The following POLD3 variants were observed in gnomAD, a reference collection of about 807,000 sequenced individuals.
The protein encoded by POLD3 is DNA polymerase delta subunit 3.
In POLD3, 19 loss-of-function variants were observed where a neutral mutation model predicts 58.2. The ratio of observed to expected loss-of-function variants is 0.33; its 90% CI spans 0.23 to 0.48. The LOEUF is 0.48. POLD3 is among the 20% of genes least tolerant of loss of function. The pLI, the probability that POLD3 is intolerant of heterozygous loss-of-function variation, is 0.99. For missense variants in POLD3, 504 were observed against 545.5 expected (o/e 0.92, Z 0.76); for synonymous variants, 172 against 193.5 (o/e 0.89, Z 0.92).
chr11:74,622,310 G>A (rs551583275), intron 7 of POLD3, among the ~76,000 whole-genome samples: 5 of 151,948 alleles, frequency 3.3e-5, no homozygotes, highest in African/African-American at 9.7e-5. Flanking sequence ...TTGCTATTGT[G>A]AATAGTGCCA....
In POLD3 at chr11:74,640,585, G is replaced by C. The variant is rs371405485; in HGVS notation, c.1220G>C (p.Ser407Thr). The C allele has an allele frequency of 6.4e-7, 1 of 1,564,938 alleles. No homozygotes were observed. ...CCAGTGACTGAAAAAGTCTACGAGA[G>C]TGAATCCTGCACAGATAGTGAAGAG... ...GCIVTEKVYESESCTDSEEEL... is the reference protein window; with the variant it reads ...GCIVTEKVYETESCTDSEEEL... Residue 407 changes from serine (S) to threonine (T), a missense_variant, in exon 12 of 12, where the codon AGT (serine) becomes ACT (threonine). Transcript: ENST00000263681.
intron 2 of POLD3, among the ~76,000 whole-genome samples, chr11:74,597,773 C>T (rs1167001050): frequency 6.6e-6 from 1 of 152,168 alleles, no homozygotes; most frequent in Admixed American, 6.5e-5. Flanking sequence ...TACTTGTTAA[C>T]ATTAGAAATG....
chr11:74,609,361 TATATATATATA>T (rs1169192228), intron 3 of POLD3, among the ~76,000 whole-genome samples: 1 of 26,624 alleles, frequency 3.8e-5, no homozygotes, highest in East Asian at 6.3e-4. Context: ...TATATATATA[TATATATATATA>T]TTTTTTTTTT....
chr11:74,604,294 G>T (rs1474996949), intron 2 of POLD3, among the ~76,000 whole-genome samples: 1 of 152,162 alleles, frequency 6.6e-6, no homozygotes, highest in Non-Finnish European at 1.5e-5. Flanking sequence ...TAACCCTCCT[G>T]TTTACGCCTT....
At chr11:74,634,479 T>G in intron 9 of POLD3, 104 bp from the exon 10 acceptor site, 2 of 676,388 alleles carry the variant, frequency 3.0e-6, no homozygotes. Context: ...TACTGCTTGC[T>G]AAATCCCCTT....
exon 5 of POLD3, chr11:74,668,883 G>A (rs1479612164): frequency 1.4e-5 from 13 of 913,200 alleles, no homozygotes; most frequent in African/African-American, 3.5e-5. Flanking sequence ...CTCAAGCCTC[G>A]GAAGCACAGA....
At chr11:74,603,857 A>G (rs1393281829) in intron 2 of POLD3, among the ~76,000 whole-genome samples, 1 of 152,136 alleles carries the variant, frequency 6.6e-6, no homozygotes, top group East Asian at 1.9e-4. Context: ...TCAAAATAAA[A>G]GACATGTCTC....
intron 2 of POLD3, among the ~76,000 whole-genome samples, chr11:74,596,001 T>A (rs1369193318): frequency 6.7e-6 from 1 of 148,402 alleles, no homozygotes; most frequent in East Asian, 2.0e-4. Flanking sequence ...AAGTTTAAAT[T>A]TTAAAATGAT....
At chr11:74,634,765 T>TA (rs2032699815) in intron 10 of POLD3, 70 bp downstream of exon 10, 1 of 870,282 alleles carries the variant, frequency 1.1e-6, no homozygotes, top group African/African-American at 1.6e-5. Flanking sequence ...ACCACTATGC[T>TA]AAATTAGTTC....
At chr11:74,643,963 C>T (rs11822231), downstream of POLD3, among the ~76,000 whole-genome samples, 443 of 152,248 alleles carry the variant, frequency 2.9e-3, 1 homozygote, top group Middle Eastern at 0.01. Flanking sequence ...TGTCTTCCCC[C>T]GTCAACATAG....
chr11:74,594,689 A>G (rs991020996), intron 2 of POLD3, among the ~76,000 whole-genome samples: 1 of 152,218 alleles, frequency 6.6e-6, no homozygotes, highest in Non-Finnish European at 1.5e-5. Flanking sequence ...CTATGAAGAC[A>G]CACCTGAGAT....
intron 8 of POLD3, among the ~76,000 whole-genome samples, chr11:74,626,293 C>T (rs57668214): frequency 2.0e-4 from 30 of 152,326 alleles, no homozygotes; most frequent in African/African-American, 7.0e-4. Context: ...TGTCCACAAC[C>T]ATGGGTACGT....
intron 9 of POLD3, among the ~76,000 whole-genome samples, chr11:74,634,027 G>T (rs1356925556): frequency 3.9e-5 from 6 of 152,204 alleles, no homozygotes; most frequent in Non-Finnish European, 8.8e-5. Flanking sequence ...TGGAACATTT[G>T]TTATAACCTG....
In POLD3 at chr11:74,641,156, C is replaced by T; in HGVS notation, c.*390C>T. 1 of 989,118 alleles carries T rather than the reference C, an allele frequency of 1.0e-6. No individual in the cohort carries two copies. The highest frequency in any genetic ancestry group is 1.2e-6 in the Non-Finnish European group (1 of 832,656). The allele number at this position is 989,118 out of a possible 1,614,324, so 61.3% of individuals were successfully genotyped here. A position where few individuals can be genotyped will look rare whatever the true frequency, so the allele number is the denominator to read the frequency against. Reference sequence around the variant, plus strand: ...TTATTCCTTCTTGTTCCTCTGTATTCTAAGAATTCATGTGGGTGTTTCTTA... The same window carrying T: ...TTATTCCTTCTTGTTCCTCTGTATTTTAAGAATTCATGTGGGTGTTTCTTA... On this transcript the variant is annotated 3_prime_UTR_variant, in exon 12 of 12. Transcript: ENST00000263681.
intron 11 of POLD3, among the ~76,000 whole-genome samples, chr11:74,639,519 G>T (rs2032850154): frequency 6.6e-6 from 1 of 152,130 alleles, no homozygotes; most frequent in South Asian, 2.1e-4. Context: ...TTTCTCTATC[G>T]CTTGCTGCAA....
intron 7 of POLD3, among the ~76,000 whole-genome samples, chr11:74,621,597 G>A (rs549201176): frequency 2.0e-4 from 30 of 152,168 alleles, no homozygotes; most frequent in African/African-American, 7.0e-4. Context: ...TGTTTAGTTA[G>A]CAAATAGATT....
At chr11:74,595,137 T>C (rs976159296) in intron 2 of POLD3, 4 of 152,122 alleles carry the variant, frequency 2.6e-5, no homozygotes, top group African/African-American at 9.7e-5. Flanking sequence ...AACACTGTTT[T>C]TTCCCTCAGA....
chr11:74,640,243 A>G (rs774553207), intron 11 of POLD3, among the ~76,000 whole-genome samples: 3 of 152,264 alleles, frequency 2.0e-5, no homozygotes, highest in Non-Finnish European at 2.9e-5. Flanking sequence ...TCAGGAAGTT[A>G]GCCAGCATAG....
In POLD3 at chr11:74,607,240, T is replaced by TA. The variant is rs761011170; in HGVS notation, c.219+2446_219+2447insA. 7.7e-3 allele frequency among the ~76,000 whole-genome samples: 474 copies of TA among 61,910 alleles called. 4 individuals are homozygous for TA. The highest frequency in any genetic ancestry group is 0.034 in the African/African-American group (405 of 11,744). The allele number at this position is 61,910 out of a possible 152,430, so 40.6% of individuals were successfully genotyped here. On this transcript the variant is annotated intron_variant, in intron 3 of 11. Transcript: ENST00000263681. ...CTTTGTATGGAATTTATTATTATTA[T>TA]TATATATTTATTTATTTATTTATTT...
Sources: gnomAD v4.1 joint callset for allele counts (sites outside exome capture counted in the v4.1 genomes callset) on GRCh38, gnomAD v4.1.1 for gene constraint, MANE v1.5 for transcripts, NCBI Gene and HGNC (gene_info 2026-07-23, HGNC 2026-07-21) for gene names.